The following PLCB4 variants were observed in gnomAD, a reference collection of about 807,000 sequenced individuals.
PLCB4 encodes the protein phospholipase C beta 4.
A neutral mutation model predicts 178.8 loss-of-function variants in PLCB4; 77 were observed. The observed-to-expected ratio is 0.43, with a 90% CI of 0.36 to 0.52. The LOEUF is 0.52. PLCB4 is among the 20% of genes least tolerant of loss of function. The pLI, the probability that PLCB4 is intolerant of heterozygous loss-of-function variation, is 0.00. For missense variants in PLCB4, 1,024 were observed against 1,453.4 expected (o/e 0.70, Z 4.80); for synonymous variants, 496 against 490.8 (o/e 1.01, Z -0.14).
chr20:9,345,017 TA>T (rs977973290), intron 7 of PLCB4, among the ~76,000 whole-genome samples: 2 of 150,840 alleles, frequency 1.3e-5, no homozygotes, highest in African/African-American at 4.9e-5. Context: ...TGCAGCCTAC[TA>T]AAAAAAAACA....
chr20:9,312,488 A>T (rs1273941663), intron 4 of PLCB4, among the ~76,000 whole-genome samples: 1 of 151,956 alleles, frequency 6.6e-6, no homozygotes, highest in Non-Finnish European at 1.5e-5. Context: ...GGGTCAATAC[A>T]AACCTAAAGT....
chr20:9,090,225 A>ATGTGTGTGTGTG (rs11087835), intron 1 of PLCB4, among the ~76,000 whole-genome samples: 65,843 of 149,232 alleles, frequency 0.44, 14,960 homozygotes, highest in Non-Finnish European at 0.51. Flanking sequence ...AATACTATTT[A>ATGTGTGTGTGTG]TGTGTGTGTG....
chr20:9,132,562 TTCATA>T (rs2092296450), intron 2 of PLCB4, among the ~76,000 whole-genome samples: 1 of 152,164 alleles, frequency 6.6e-6, no homozygotes, highest in Non-Finnish European at 1.5e-5. Context: ...TTGATTCTTA[TTCATA>T]AGCCTGGTGA....
chr20:9,151,434 CA>C (rs2092688816), intron 2 of PLCB4, among the ~76,000 whole-genome samples: 2 of 152,118 alleles, frequency 1.3e-5, no homozygotes, highest in African/African-American at 4.8e-5. Flanking sequence ...GGGAGGGACC[CA>C]GGGGGAGGTA....
At chr20:9,236,127 A>G (rs2093990307) in intron 3 of PLCB4, among the ~76,000 whole-genome samples, 1 of 152,012 alleles carries the variant, frequency 6.6e-6, no homozygotes, top group African/African-American at 2.4e-5. Context: ...CTCTTTCTTG[A>G]CTTTTTATAC....
rs139005630 is a variant in PLCB4 at position 9,403,913 on chromosome 20, G to A, written c.1612-1400G>A. On this transcript the variant is annotated intron_variant, in intron 20 of 39. Transcript: ENST00000378473. ...CCTTTGGGTTGTTAGCATGGAGGTC[G>A]TTGGCAACCTTAAAGAGACATTTCA... 8.5e-5 allele frequency among the ~76,000 whole-genome samples: 13 copies of A among 152,340 alleles called. 1 individual carries two copies. The highest frequency in any genetic ancestry group is 4.1e-4 in the South Asian group (2 of 4,824).
chr20:9,123,684 C>T (rs946033666), intron 2 of PLCB4, among the ~76,000 whole-genome samples: 1 of 151,924 alleles, frequency 6.6e-6, no homozygotes, highest in African/African-American at 2.4e-5. Context: ...TTCACCCAAA[C>T]TTTTACAAAG....
chr20:9,160,372 C>T (rs1019037684), intron 2 of PLCB4, among the ~76,000 whole-genome samples: 6 of 152,016 alleles, frequency 3.9e-5, no homozygotes, highest in Non-Finnish European at 7.4e-5. Context: ...TTTATTCATC[C>T]GTATATACCT....
intron 2 of PLCB4, among the ~76,000 whole-genome samples, chr20:9,164,664 A>G (rs2092941759): frequency 6.6e-6 from 1 of 152,164 alleles, no homozygotes; most frequent in African/African-American, 2.4e-5. Context: ...ACTTGTGTGA[A>G]GTAGTTTGTT....
chr20:9,119,588 A>T (rs180738209), intron 2 of PLCB4, among the ~76,000 whole-genome samples: 1 of 151,960 alleles, frequency 6.6e-6, no homozygotes, highest in East Asian at 1.9e-4. Context: ...GATGAAAAGG[A>T]TCCCATCGAA....
chr20:9,319,611 A>G (rs1405987470), intron 4 of PLCB4, among the ~76,000 whole-genome samples: 1 of 152,180 alleles, frequency 6.6e-6, no homozygotes, highest in Non-Finnish European at 1.5e-5. Flanking sequence ...GTGTCAGTTG[A>G]GTCCAAAGGC....
chr20:9,196,814 C>T (rs893452033), intron 2 of PLCB4, among the ~76,000 whole-genome samples: 8 of 152,008 alleles, frequency 5.3e-5, no homozygotes, highest in Admixed American at 1.3e-4. Context: ...TCTCAGTAAG[C>T]GGAGGTGTTA....
intron 2 of PLCB4, among the ~76,000 whole-genome samples, chr20:9,097,693 C>G (rs2090970932): frequency 6.6e-6 from 1 of 152,110 alleles, no homozygotes; most frequent in African/African-American, 2.4e-5. Context: ...CTTTTAATTA[C>G]CCATCCAGCT....
chr20:9,196,396 G>A, intron 2 of PLCB4, among the ~76,000 whole-genome samples: 1 of 152,160 alleles, frequency 6.6e-6, no homozygotes, highest in East Asian at 1.9e-4. Flanking sequence ...AATGTGGGTG[G>A]CACTCAGTGA....
upstream of PLCB4, chr20:9,068,808 C>G (rs1423108452): frequency 7.1e-6 from 1 of 140,626 alleles, no homozygotes; most frequent in Non-Finnish European, 1.6e-5. Flanking sequence ...GGGCCCGGAG[C>G]GGGGGACGCG....
chr20:9,437,207 G>A (rs2041827890), intron 30 of PLCB4, 55 bp downstream of exon 30: 2 of 1,455,016 alleles, frequency 1.4e-6, no homozygotes, highest in Non-Finnish European at 1.9e-6. Flanking sequence ...ATTACACAGT[G>A]TACAATATCT....
intron 3 of PLCB4, among the ~76,000 whole-genome samples, chr20:9,272,674 C>A (rs1601545349): frequency 6.6e-6 from 1 of 152,068 alleles, no homozygotes; most frequent in African/African-American, 2.4e-5. Flanking sequence ...CCCCTTGGGG[C>A]CATTAATCAA....
Position 9,453,244 on chromosome 20 carries a change from T to C in PLCB4, c.2881-103T>C, listed in dbSNP as rs1442704669. The C allele has an allele frequency of 8.8e-6, 6 of 684,504 alleles. No homozygotes were observed. In the African/African-American group the frequency reaches 9.0e-5, roughly 10 times the overall value. The allele number at this position is 684,504 out of a possible 1,614,324, so 42.4% of individuals were successfully genotyped here. A position where few individuals can be genotyped will look rare whatever the true frequency, so the allele number is the denominator to read the frequency against. ...CTCAGATTTGGTTATTCCTTGACTTTCTAAATGAAGACTCTAGGGAAGCTG... is the reference window on the plus strand; with the variant it reads ...CTCAGATTTGGTTATTCCTTGACTTCCTAAATGAAGACTCTAGGGAAGCTG... On this transcript the variant is annotated intron_variant, in intron 32 of 39. Transcript: ENST00000378473.
At chr20:9,387,115 T>A (rs1265605262) in intron 14 of PLCB4, among the ~76,000 whole-genome samples, 2 of 151,990 alleles carry the variant, frequency 1.3e-5, no homozygotes, top group Non-Finnish European at 2.9e-5. Flanking sequence ...CAGGCTGGTC[T>A]CCAACTCCTG....
Sources: gnomAD v4.1 joint callset for allele counts (sites outside exome capture counted in the v4.1 genomes callset) on GRCh38, gnomAD v4.1.1 for gene constraint, MANE v1.5 for transcripts, NCBI Gene and HGNC (gene_info 2026-07-23, HGNC 2026-07-21) for gene names.